CLCN3: variants seen among roughly 807,000 people sequenced by gnomAD.
CLCN3 encodes H(+)/Cl(-) exchange transporter 3.
CLCN3 carries 16 observed loss-of-function variants against 83.4 expected under a neutral mutation model. The ratio of observed to expected loss-of-function variants is 0.19; its 90% CI spans 0.13 to 0.29. The LOEUF is 0.29. CLCN3 is among the 10% of genes least tolerant of loss of function. The pLI is 1.00. For synonymous variants in CLCN3, 322 were observed against 346.2 expected, an observed-to-expected ratio of 0.93 and a Z score of 0.78; for missense variants, 544 against 1,006.0, an observed-to-expected ratio of 0.54 and a Z score of 6.21.
At chr4:169,649,560 T>G (rs1469930651) in intron 2 of CLCN3, among the ~76,000 whole-genome samples, 1 of 152,172 alleles carries the variant, frequency 6.6e-6, no homozygotes, top group African/African-American at 2.4e-5. Context: ...ATATACTGAT[T>G]GTTTTGATGT....
At chr4:169,689,659 G>A (rs2047652) in intron 5 of CLCN3, among the ~76,000 whole-genome samples, 141,237 of 152,272 alleles carry the variant, frequency 0.93, 66,180 homozygotes, top group East Asian at 1. Flanking sequence ...GTGGCATTAC[G>A]GCATTTAAAT....
At chr4:169,675,782 G>T (rs1439493259) in intron 2 of CLCN3, among the ~76,000 whole-genome samples, 3 of 152,090 alleles carry the variant, frequency 2.0e-5, no homozygotes. Context: ...TAGTTGTCAA[G>T]GATGCTGATA....
At position 169,689,128 on chromosome 4, in the gene CLCN3, C is replaced by T; in HGVS notation, c.504C>T (p.Asn168=). 1 of 1,613,814 alleles carries T rather than the reference C, an allele frequency of 6.2e-7. No homozygotes were observed. Among genetic ancestry groups the T allele is most frequent in the South Asian group, 1.1e-5 (1 of 91,030 alleles). Reference sequence around the variant, plus strand: ...TTTGCCTTAGTGCGTTGTGGTACAACCACGAACAGTGCTGTTGGGGATCTA... The same window carrying T: ...TTTGCCTTAGTGCGTTGTGGTACAATCACGAACAGTGCTGTTGGGGATCTA... ...EGICLSALWY[N]HEQCCWGSNE... is the part of the protein sequence containing the mutation. Residue 168 remains asparagine (N), a synonymous_variant, in exon 5 of 13, where the codon AAC becomes AAT. Coordinates refer to ENST00000513761, the MANE Select transcript of CLCN3 (RefSeq NM_001829.4).
intron 9 of CLCN3, among the ~76,000 whole-genome samples, chr4:169,701,204 G>A (rs1732772863): frequency 6.6e-6 from 1 of 152,126 alleles, no homozygotes; most frequent in Admixed American, 6.6e-5. Context: ...TCTTTACCAG[G>A]ACTGGATTCT....
chr4:169,628,911 GTGAA>G (rs930683685), intron 1 of CLCN3, among the ~76,000 whole-genome samples: 7 of 152,192 alleles, frequency 4.6e-5, no homozygotes, highest in African/African-American at 1.7e-4. Context: ...TCTTCAGTGG[GTGAA>G]TGGTTAAACA....
rs1349874515 is a variant in CLCN3 at position 169,692,173 on chromosome 4, G to C, written c.789G>C (p.Met263Ile). 6.2e-7 allele frequency: 1 copy of C among 1,612,576 alleles called. No individual in the cohort carries two copies. Among genetic ancestry groups the C allele is most frequent in the Non-Finnish European group, 8.5e-7 (1 of 1,178,716 alleles). Residue 263 changes from methionine (M) to isoleucine (I), a missense_variant, in exon 7 of 13, where the codon ATG becomes ATC. Around this residue, in one of 6 missense-constraint regions of CLCN3, gnomAD observed 8 missense variants for 44.6 expected, o/e 0.18. Transcript: ENST00000513761. ...IRGYLGKWTLMIKTITLVLAV... is the reference protein window; with the variant it reads ...IRGYLGKWTLIIKTITLVLAV... ...GTTACTTGGGAAAATGGACTTTAATGATTAAAACCATCACATTAGTCCTGG... is the reference window on the plus strand; with the variant it reads ...GTTACTTGGGAAAATGGACTTTAATCATTAAAACCATCACATTAGTCCTGG...
intron 4 of CLCN3, 55 bp from the exon 5 acceptor site, chr4:169,688,988 T>A: frequency 6.5e-7 from 1 of 1,537,602 alleles, no homozygotes; most frequent in Non-Finnish European, 8.9e-7. Flanking sequence ...TAGATTGTTC[T>A]CGACTCCCAA....
chr4:169,699,092 A>G (rs1732680482), intron 9 of CLCN3, among the ~76,000 whole-genome samples: 1 of 152,198 alleles, frequency 6.6e-6, no homozygotes, highest in South Asian at 2.1e-4. Context: ...CCTCCTTGCC[A>G]TGCAACGTAA....
At chr4:169,643,335 A>G (rs1281428081) in intron 2 of CLCN3, among the ~76,000 whole-genome samples, 2 of 152,088 alleles carry the variant, frequency 1.3e-5, no homozygotes, top group Admixed American at 6.5e-5. Context: ...GGTTCAAGCA[A>G]TTCTTCTGCT....
At position 169,721,694 on chromosome 4, in the gene CLCN3, G is replaced by A. The variant is rs1167051501; in HGVS notation, c.*1697G>A. ...TTTGCAGGATGAGTGAAAATGCACT[G>A]GATTATATTTGGGATTTTTGTTTTT... On this transcript the variant is annotated 3_prime_UTR_variant, in exon 13 of 13. Transcript: ENST00000513761. 6.6e-6 allele frequency: 1 copy of A among 152,126 alleles called. No homozygotes were observed. Among genetic ancestry groups the A allele is most frequent in the Non-Finnish European group, 1.5e-5 (1 of 68,024 alleles). The allele number at this position is 152,126 out of a possible 1,614,324, so 9.4% of individuals were successfully genotyped here. A position where few individuals can be genotyped will look rare whatever the true frequency, so the allele number is the denominator to read the frequency against.
chr4:169,620,679 T>G lies in CLCN3; in HGVS notation c.-401T>G, dbSNP rs1464627333. Reference sequence around the variant, plus strand: ...GACCCGGAATAATGAGCAAGGAGGGTGTGGTGGGTTGAAAGCCATCCTACT... The same window carrying G: ...GACCCGGAATAATGAGCAAGGAGGGGGTGGTGGGTTGAAAGCCATCCTACT... On this transcript the variant is annotated 5_prime_UTR_variant, in exon 1 of 13. Transcript: ENST00000513761. 5.0e-6 allele frequency: 2 copies of G among 397,846 alleles called. No homozygotes were observed. Among genetic ancestry groups the G allele is most frequent in the Non-Finnish European group, 8.8e-6 (2 of 226,000 alleles). 24.6% of individuals were successfully genotyped at this position (397,846 alleles called of 1,614,324 possible). A position where few individuals can be genotyped will look rare whatever the true frequency, so the allele number is the denominator to read the frequency against.
At chr4:169,646,213 T>C (rs1464408466) in intron 2 of CLCN3, among the ~76,000 whole-genome samples, 3 of 152,232 alleles carry the variant, frequency 2.0e-5, no homozygotes, top group African/African-American at 7.2e-5. Context: ...AGTTTACTTC[T>C]TTGTAAAATA....
intron 12 of CLCN3, among the ~76,000 whole-genome samples, chr4:169,713,967 G>A (rs1262427880): frequency 6.6e-6 from 1 of 152,030 alleles, no homozygotes; most frequent in Non-Finnish European, 1.5e-5. Flanking sequence ...TTTCTCCATT[G>A]ACAGGAATAT....
rs1191839129 is a variant in CLCN3, at chr4:169,620,941, G to T, written c.-139G>T. On this transcript the variant is annotated 5_prime_UTR_variant, in exon 1 of 13. Coordinates refer to ENST00000513761, the MANE Select transcript of CLCN3 (RefSeq NM_001829.4). ...TATCTTTTAAATCGCGATAGTTTTCGCTGTGTCAGGCTTTCTTCGGTGGAG... is the reference window on the plus strand; with the variant it reads ...TATCTTTTAAATCGCGATAGTTTTCTCTGTGTCAGGCTTTCTTCGGTGGAG... 2 of 398,366 alleles carry T rather than the reference G, an allele frequency of 5.0e-6. No homozygotes were observed. The highest frequency in any genetic ancestry group is 3.6e-5 in the East Asian group (1 of 28,084). The allele number at this position is 398,366 out of a possible 1,614,324, so 24.7% of individuals were successfully genotyped here.
intron 2 of CLCN3, among the ~76,000 whole-genome samples, chr4:169,639,293 A>G (rs1413394795): frequency 2.0e-5 from 3 of 152,178 alleles, no homozygotes; most frequent in Non-Finnish European, 4.4e-5. Flanking sequence ...TGGCCTCCCA[A>G]AGTGCTGGGA....
chr4:169,707,403 C>A, intron 11 of CLCN3, 137 bp downstream of exon 11: 2 of 569,708 alleles, frequency 3.5e-6, no homozygotes, highest in Non-Finnish European at 5.8e-6. Flanking sequence ...ATCTTCTGTT[C>A]TTTAGGAAAG....
chr4:169,720,076 T>A lies in CLCN3; in HGVS notation c.*79T>A, dbSNP rs1733576101. 1 of 1,557,830 alleles carries A rather than the reference T, an allele frequency of 6.4e-7. No individual in the cohort carries two copies. The highest frequency in any genetic ancestry group is 1.4e-5 in the African/African-American group (1 of 71,656). On this transcript the variant is annotated 3_prime_UTR_variant, in exon 13 of 13. Coordinates refer to ENST00000513761, the MANE Select transcript of CLCN3 (RefSeq NM_001829.4). ...AGCACAACTCTTTAACCTGAGGGAG[T>A]CATCTACTTTTTTTTCCTCCTTTAC...
At chr4:169,706,211 C>A (rs1445816827) in intron 10 of CLCN3, among the ~76,000 whole-genome samples, 1 of 151,710 alleles carries the variant, frequency 6.6e-6, no homozygotes, top group Non-Finnish European at 1.5e-5. Context: ...TTAGTTTTTA[C>A]TTTTGTAGAG....
At chr4:169,685,516 A>G (rs1581248509) in intron 3 of CLCN3, among the ~76,000 whole-genome samples, 1 of 152,120 alleles carries the variant, frequency 6.6e-6, no homozygotes, top group South Asian at 2.1e-4. Context: ...TTTCCTGTAT[A>G]ATGCTAAATA....
Sources: allele counts gnomAD v4.1 joint callset (sites outside exome capture counted in the v4.1 genomes callset), GRCh38; gene constraint gnomAD v4.1.1; regional missense constraint gnomAD v4.1.1; transcripts MANE v1.5; gene names NCBI Gene and HGNC (gene_info 2026-07-23, HGNC 2026-07-21).